Variants in PTPRO observed in about 807,000 individuals in gnomAD.
The protein encoded by PTPRO is protein tyrosine phosphatase receptor type O, also known as receptor-type tyrosine-protein phosphatase O.
A neutral mutation model predicts 145.2 loss-of-function variants in PTPRO; 62 were observed. That is an observed-to-expected ratio of 0.43 (90% CI 0.35 to 0.53). The LOEUF is 0.53. Ranked by LOEUF, PTPRO falls within the 20% of genes least tolerant of loss-of-function variation. The pLI is 0.01. For missense variants in PTPRO, 1,345 were observed against 1,482.7 expected (o/e 0.91, Z 1.53); for synonymous variants, 565 against 514.7 (o/e 1.10, Z -1.32).
rs543878727 is a variant in PTPRO at position 15,338,003 on chromosome 12, T to C, written c.75+15202T>C. On this transcript the variant is annotated intron_variant, in intron 1 of 26. Coordinates refer to ENST00000281171, the MANE Select transcript of PTPRO (RefSeq NM_030667.3). ...TTGTGGTGGTAATTACATAAAGTTA[T>C]ACATGTGATAAATTTGTAAGATCTG... Among the ~76,000 whole-genome samples the C allele has an allele frequency of 3.9e-5, 6 of 152,330 alleles. No homozygotes were observed. The South Asian group carries it at 1.2e-3, about 32-fold the overall frequency.
chr12:15,365,412 TTA>T (rs141677187), intron 1 of PTPRO, among the ~76,000 whole-genome samples: 3 of 151,002 alleles, frequency 2.0e-5, no homozygotes, highest in Admixed American at 6.6e-5. Flanking sequence ...CTATATATGT[TTA>T]TATATATATA....
At chr12:15,339,530 C>A (rs1044632266) in intron 1 of PTPRO, among the ~76,000 whole-genome samples, 1 of 152,126 alleles carries the variant, frequency 6.6e-6, no homozygotes, top group Non-Finnish European at 1.5e-5. Context: ...AATGCAAATG[C>A]TTAATTCTAA....
chr12:15,450,075 G>A (rs915475219), intron 1 of PTPRO, among the ~76,000 whole-genome samples: 2 of 152,056 alleles, frequency 1.3e-5, no homozygotes, highest in Non-Finnish European at 2.9e-5. Context: ...TGCTCTCTAT[G>A]TTATACATCT....
Position 15,589,543 on chromosome 12 carries a change from C to T in PTPRO, c.3499C>T (p.Leu1167=). ...RDHEFVDILG[L]VSEMRSYRMS... ...TCATGAGTTTGTTGACATCTTAGGG[C>T]TGGTGTCAGAAATGAGGTCATACCG... The change falls in exon 25 of 27, where the codon CTG becomes TTG. Residue 1167 remains leucine (L), a synonymous_variant. Transcript: ENST00000281171. The T allele has an allele frequency of 1.2e-6, 2 of 1,614,022 alleles. No individual in the cohort carries two copies. The highest frequency in any genetic ancestry group is 2.2e-5 in the South Asian group (2 of 91,070).
At position 15,543,586 on chromosome 12, in the gene PTPRO, C is replaced by T. The variant is rs143793474; in HGVS notation, c.2165-2983C>T. 5.0e-3 allele frequency among the ~76,000 whole-genome samples: 763 copies of T among 152,148 alleles called. 6 individuals carry two copies. The highest frequency in any genetic ancestry group is 5.3e-3 in the Non-Finnish European group (363 of 67,994). ...ATCTTGACTCATGTTTTAAATCAGC[C>T]GATAAATAAGATTTTTTGAGTACCT... On this transcript the variant is annotated intron_variant, in intron 12 of 26. Transcript: ENST00000281171.
At chr12:15,489,301 C>T (rs768191458) in intron 2 of PTPRO, among the ~76,000 whole-genome samples, 11 of 151,932 alleles carry the variant, frequency 7.2e-5, no homozygotes, top group Non-Finnish European at 1.5e-4. Context: ...GAGTGCACAC[C>T]GCAAAGCAAA....
intron 7 of PTPRO, among the ~76,000 whole-genome samples, chr12:15,513,146 A>T (rs371652021): frequency 0.014 from 521 of 38,316 alleles, 48 homozygotes; most frequent in Admixed American, 0.021. Context: ...GAAGGAAGAA[A>T]GAAAGAAAGA....
At chr12:15,530,108 C>A (rs1460307614) in intron 12 of PTPRO, among the ~76,000 whole-genome samples, 1 of 152,118 alleles carries the variant, frequency 6.6e-6, no homozygotes, top group African/African-American at 2.4e-5. Context: ...GACCACAAAT[C>A]TAGAATTGTA....
intron 12 of PTPRO, among the ~76,000 whole-genome samples, chr12:15,534,497 C>T (rs1323466729): frequency 2.0e-5 from 3 of 152,108 alleles, no homozygotes; most frequent in Admixed American, 2.0e-4. Context: ...TCACAAGGAG[C>T]TTATGATCTA....
In PTPRO at chr12:15,410,709, G is replaced by A. The variant is rs117979935; in HGVS notation, c.76-73265G>A. Reference sequence around the variant, plus strand: ...TAATGAAAATGTAAGCATTGTGACAGAGAATGCTTTAGTCAGTCTCAAATC... The same window carrying A: ...TAATGAAAATGTAAGCATTGTGACAAAGAATGCTTTAGTCAGTCTCAAATC... On this transcript the variant is annotated intron_variant, in intron 1 of 26. Coordinates refer to ENST00000281171, the MANE Select transcript of PTPRO (RefSeq NM_030667.3). The A allele has an allele frequency of 4.9e-4, 75 of 152,312 alleles. 1 individual carries two copies. The East Asian group carries it at 0.014, about 29-fold the overall frequency. 9.4% of individuals were successfully genotyped at this position (152,312 alleles called of 1,614,324 possible).
At position 15,504,065 on chromosome 12, in the gene PTPRO, T is replaced by C. The variant is rs980970491; in HGVS notation, c.1263T>C (p.Tyr421=). Reference sequence around the variant, plus strand: ...AGTCAGCAAAATCACTCAGCTTTTATATCAGTAAGTAACAAAGAGATCATT... The same window carrying C: ...AGTCAGCAAAATCACTCAGCTTTTACATCAGTAAGTAACAAAGAGATCATT... ...KSQSAKSLSF[Y]ISPSGEWIEE... Residue 421 remains tyrosine, a synonymous_variant, in exon 6 of 27, where the codon TAT becomes TAC. Coordinates refer to ENST00000281171, the MANE Select transcript of PTPRO (RefSeq NM_030667.3). 6.2e-7 allele frequency: 1 copy of C among 1,609,718 alleles called. No homozygotes were observed. The highest frequency in any genetic ancestry group is 1.3e-5 in the African/African-American group (1 of 74,814).
At chr12:15,480,652 A>AT (rs1457932654) in intron 1 of PTPRO, among the ~76,000 whole-genome samples, 1 of 152,104 alleles carries the variant, frequency 6.6e-6, no homozygotes, top group Non-Finnish European at 1.5e-5. Context: ...AAAGACTGAG[A>AT]TTTTGTCAGA....
intron 1 of PTPRO, among the ~76,000 whole-genome samples, chr12:15,422,347 C>T (rs1419233397): frequency 6.6e-6 from 1 of 152,046 alleles, no homozygotes; most frequent in Non-Finnish European, 1.5e-5. Flanking sequence ...GTAACCACTA[C>T]ATAAATATTA....
chr12:15,453,563 ATACTACC>A (rs1390945593), intron 1 of PTPRO, among the ~76,000 whole-genome samples: 1 of 152,202 alleles, frequency 6.6e-6, no homozygotes, highest in Non-Finnish European at 1.5e-5. Context: ...AATCTAGCAA[ATACTACC>A]TTGTTTTTTA....
At position 15,569,540 on chromosome 12, in the gene PTPRO, G is replaced by A. The variant is rs890644362; in HGVS notation, c.2829+42G>A. ...ATTTTCTACCTTCTGTAATGGAAAG[G>A]GCCTGGGAATTGGGGGGTTTGTGTT... is the stretch of plus-strand genomic sequence containing the variant. On this transcript the variant is annotated intron_variant, in intron 19 of 26. Transcript: ENST00000281171. The A allele has an allele frequency of 2.6e-6, 4 of 1,537,158 alleles. No homozygotes were observed. In the East Asian group the frequency reaches 6.7e-5, roughly 26 times the overall value.
chr12:15,360,945 C>CACATATATACACAT (rs1938182551), intron 1 of PTPRO, among the ~76,000 whole-genome samples: 4 of 119,268 alleles, frequency 3.4e-5, no homozygotes, highest in South Asian at 5.9e-4. Flanking sequence ...TATATACACA[C>CACATATATACACAT]GTGTATATAC....
At chr12:15,385,768 C>A (rs1487524966) in intron 1 of PTPRO, among the ~76,000 whole-genome samples, 1 of 135,238 alleles carries the variant, frequency 7.4e-6, no homozygotes, top group Non-Finnish European at 1.5e-5. Context: ...GCAGAGATCG[C>A]ACTACTGCAC....
chr12:15,588,515 T>C (rs150787009), intron 24 of PTPRO, among the ~76,000 whole-genome samples: 8 of 152,102 alleles, frequency 5.3e-5, no homozygotes, highest in East Asian at 1.9e-4. Flanking sequence ...AGCATTGGGA[T>C]TGGGGGACTG....
chr12:15,425,739 AT>A (rs1301706124), intron 1 of PTPRO, among the ~76,000 whole-genome samples: 2 of 151,902 alleles, frequency 1.3e-5, no homozygotes, highest in African/African-American at 4.8e-5. Context: ...AGATTCATGC[AT>A]TTTTTGTAAC....
Sources: gnomAD v4.1 joint callset for allele counts (sites outside exome capture counted in the v4.1 genomes callset) on GRCh38, gnomAD v4.1.1 for gene constraint, MANE v1.5 for transcripts, NCBI Gene and HGNC (gene_info 2026-07-23, HGNC 2026-07-21) for gene names.